The following POF1B variants were observed in gnomAD, a reference collection of about 807,000 sequenced individuals.
POF1B encodes the protein protein POF1B.
In POF1B, 53 loss-of-function variants were observed where a neutral mutation model predicts 55.3. That is an observed-to-expected ratio of 0.96 (90% CI 0.77 to 1.20). The LOEUF (loss-of-function observed/expected upper bound fraction) is 1.20. Among genes scored for constraint, POF1B ranks in the 50% most tolerant of loss-of-function variants. POF1B has a pLI of 0.00. For synonymous variants in POF1B, 188 were observed against 148.3 expected, an observed-to-expected ratio of 1.27 and a Z score of -1.95; for missense variants, 478 against 420.5, an observed-to-expected ratio of 1.14 and a Z score of -1.20.
chrX:85,352,655 T>C (rs1417439073), intron 4 of POF1B, among the ~76,000 whole-genome samples: 1 of 111,422 alleles, frequency 9.0e-6, no homozygotes, highest in Non-Finnish European at 1.9e-5. Flanking sequence ...CCCTAGAAGA[T>C]ATTTTGTGTT....
intron 6 of POF1B, among the ~76,000 whole-genome samples, chrX:85,338,951 G>T (rs1023092034): frequency 4.5e-5 from 5 of 111,360 alleles, no homozygotes; most frequent in Admixed American, 9.6e-5. Flanking sequence ...AGCTGAGAAA[G>T]TTTTGGGTAT....
chrX:85,322,230 C>A (rs1395146881), intron 7 of POF1B, among the ~76,000 whole-genome samples: 1 of 110,470 alleles, frequency 9.1e-6, no homozygotes, highest in Non-Finnish European at 1.9e-5. Context: ...AGCATGGTAC[C>A]GGTACCAAAA....
intron 15 of POF1B, among the ~76,000 whole-genome samples, chrX:85,289,223 A>G (rs1004180370): frequency 5.4e-5 from 6 of 111,902 alleles, no homozygotes; most frequent in Non-Finnish European, 1.1e-4. Flanking sequence ...ATGAAAGCAT[A>G]TCACAAGCTG....
chrX:85,296,621 G>A (rs1444701816), intron 15 of POF1B, among the ~76,000 whole-genome samples: 1 of 111,994 alleles, frequency 8.9e-6, no homozygotes, highest in East Asian at 2.8e-4. Context: ...TAGCCTGATA[G>A]AGTTTCCTTT....
intron 5 of POF1B, among the ~76,000 whole-genome samples, chrX:85,350,558 T>A (rs960922792): frequency 1.8e-5 from 2 of 110,976 alleles, no homozygotes; most frequent in Non-Finnish European, 3.8e-5. Flanking sequence ...AGTAATGGGA[T>A]GGCTGGGTCA....
chrX:85,310,006 T>G (rs1932661784), intron 9 of POF1B, among the ~76,000 whole-genome samples: 1 of 111,999 alleles, frequency 8.9e-6, no homozygotes, highest in Non-Finnish European at 1.9e-5. Flanking sequence ...TAATAGGTAG[T>G]GCACACACTT....
rs754011547 is a variant in POF1B, at chrX:85,292,666, C to A, written c.1650-10349G>T. ...GGATTAAATTTCTTCCTGGTTCACT[C>A]TTGGGAGGGTGTATGTGTCCAGGAA... is the stretch of plus-strand genomic sequence containing the variant. On this transcript the variant is annotated intron_variant, in intron 15 of 16. Transcript: ENST00000262753. Among the ~76,000 whole-genome samples, 392 of 111,151 alleles carry A rather than the reference C, an allele frequency of 3.5e-3. 2 individuals are homozygous for A. The highest frequency in any genetic ancestry group is 0.012 in the African/African-American group (371 of 30,516).
chrX:85,295,319 G>T (rs1932285954), intron 15 of POF1B, among the ~76,000 whole-genome samples: 1 of 111,550 alleles, frequency 9.0e-6, no homozygotes, highest in Admixed American at 9.5e-5. Context: ...ATATTAGATT[G>T]TTAACTTGAG....
chrX:85,312,070 T>C (rs1448131950), intron 9 of POF1B, among the ~76,000 whole-genome samples: 1 of 112,384 alleles, frequency 8.9e-6, no homozygotes, highest in Non-Finnish European at 1.9e-5. Context: ...AGATTCTGGG[T>C]ATTAGCCCTT....
At position 85,372,321 on chromosome X, in the gene POF1B, G is replaced by A. The variant is rs1170901787; in HGVS notation, c.283-4555C>T. On this transcript the variant is annotated intron_variant, in intron 2 of 16. Coordinates refer to ENST00000262753, the MANE Select transcript of POF1B (RefSeq NM_024921.4). ...ATCGTGCCACTGTGCTCCAGGCTGG[G>A]CGACAGAGCGAGACTCTGTCTCAAA... is the stretch of plus-strand genomic sequence containing the variant. Among the ~76,000 whole-genome samples the A allele has an allele frequency of 2.1e-4, 21 of 100,735 alleles. 1 individual carries two copies. The highest frequency in any genetic ancestry group is 3.8e-4 in the Non-Finnish European group (19 of 50,041). 87.5% of individuals were successfully genotyped at this position (100,735 alleles called of 115,157 possible).
At chrX:85,303,319 T>C in intron 15 of POF1B, 87 bp downstream of exon 15, 2 of 576,806 alleles carry the variant, frequency 3.5e-6, no homozygotes, top group Non-Finnish European at 5.3e-6. Context: ...AAACTCTGTC[T>C]AGCTTGTATA....
At chrX:85,308,350 T>G in intron 9 of POF1B, 134 bp from the exon 10 acceptor site, 1 of 347,077 alleles carries the variant, frequency 2.9e-6, no homozygotes, top group Non-Finnish European at 5.1e-6. Context: ...AAAGGTGATA[T>G]AAGGCATTTT....
chrX:85,353,086 A>T (rs1933420979), intron 4 of POF1B, among the ~76,000 whole-genome samples: 1 of 111,276 alleles, frequency 9.0e-6, no homozygotes, highest in Non-Finnish European at 1.9e-5. Context: ...TATGGGATGG[A>T]GTTCAGAGGA....
chrX:85,297,632 C>T (rs1347780871), intron 15 of POF1B, among the ~76,000 whole-genome samples: 2 of 111,240 alleles, frequency 1.8e-5, no homozygotes, highest in African/African-American at 6.6e-5. Flanking sequence ...TTACTCTGCT[C>T]TGTGGCTTTT....
chrX:85,286,780 C>T (rs1234260577), intron 15 of POF1B, among the ~76,000 whole-genome samples: 1 of 111,215 alleles, frequency 9.0e-6, no homozygotes, highest in East Asian at 2.8e-4. Context: ...ATCAATAAAA[C>T]ATAACAATCC....
At chrX:85,328,961 C>T (rs760839246) in intron 7 of POF1B, among the ~76,000 whole-genome samples, 17 of 110,615 alleles carry the variant, frequency 1.5e-4, no homozygotes, top group African/African-American at 4.9e-4. Context: ...CAATGTGATA[C>T]TTTGATAGAA....
At chrX:85,355,096 G>T (rs1418796401) in intron 4 of POF1B, among the ~76,000 whole-genome samples, 2 of 111,422 alleles carry the variant, frequency 1.8e-5, no homozygotes, top group Non-Finnish European at 3.8e-5. Context: ...CATGGTACTG[G>T]TACCAAAACA....
intron 15 of POF1B, among the ~76,000 whole-genome samples, chrX:85,283,961 C>T (rs1200076930): frequency 9.0e-6 from 1 of 111,185 alleles, no homozygotes; most frequent in African/African-American, 3.3e-5. Flanking sequence ...TCAGCAAAGT[C>T]TCAGGATACA....
rs977597127 is a variant in POF1B at position 85,375,740 on chromosome X, A to G, written c.282+3433T>C. 4.5e-5 allele frequency among the ~76,000 whole-genome samples: 5 copies of G among 111,686 alleles called. No individual in the cohort carries two copies. The Admixed American group carries it at 4.8e-4, about 11-fold the overall frequency. On this transcript the variant is annotated intron_variant, in intron 2 of 16. Coordinates refer to ENST00000262753, the MANE Select transcript of POF1B (RefSeq NM_024921.4). The stretch of plus-strand genomic sequence containing the variant: ...CCACAATCTTTGCAACCAAAGAAAA[A>G]GCACAAAAAAATCATATAAACAAAG...
Sources: allele counts gnomAD v4.1 joint callset (sites outside exome capture counted in the v4.1 genomes callset), GRCh38; gene constraint gnomAD v4.1.1; transcripts MANE v1.5; gene names NCBI Gene and HGNC (gene_info 2026-07-23, HGNC 2026-07-21).